ROBO1: variants seen among roughly 807,000 people sequenced by gnomAD.
The protein encoded by ROBO1 is roundabout homolog 1.
A neutral mutation model predicts 195.9 loss-of-function variants in ROBO1; 149 were observed. The observed-to-expected ratio is 0.76, with a 90% CI of 0.67 to 0.87. The LOEUF (loss-of-function observed/expected upper bound fraction) is 0.87, where lower values mean the gene tolerates loss of function less well. Ranked by LOEUF, ROBO1 falls within the 40% of genes least tolerant of loss-of-function variation. The pLI, the probability that ROBO1 is intolerant of heterozygous loss-of-function variation, is 0.00. For synonymous variants in ROBO1, 816 were observed against 733.2 expected, an observed-to-expected ratio of 1.11 and a Z score of -1.82; for missense variants, 1,933 against 2,068.3, an observed-to-expected ratio of 0.93 and a Z score of 1.27.
chr3:78,615,900 C>T (rs1198025870), intron 27 of ROBO1, among the ~76,000 whole-genome samples: 1 of 152,140 alleles, frequency 6.6e-6, no homozygotes, highest in East Asian at 1.9e-4. Context: ...AAAGACACTG[C>T]AATAAGCAGA....
chr3:78,721,797 C>G (rs1236003688), intron 5 of ROBO1, among the ~76,000 whole-genome samples: 1 of 152,102 alleles, frequency 6.6e-6, no homozygotes, highest in Non-Finnish European at 1.5e-5. Context: ...ATCTTAAATA[C>G]TTGGGAATGT....
chr3:78,883,722 T>C (rs990525108), intron 4 of ROBO1, among the ~76,000 whole-genome samples: 2 of 152,136 alleles, frequency 1.3e-5, no homozygotes, highest in Non-Finnish European at 2.9e-5. Flanking sequence ...CTATATAGTA[T>C]ATTTTAAATA....
intron 26 of ROBO1, among the ~76,000 whole-genome samples, chr3:78,623,793 A>T (rs1575793621): frequency 6.6e-6 from 1 of 152,260 alleles, no homozygotes; most frequent in East Asian, 1.9e-4. Context: ...GGCAGTAAAA[A>T]CCTACAGGAA....
chr3:79,068,652 C>A (rs1326347949), intron 3 of ROBO1, among the ~76,000 whole-genome samples: 1 of 151,808 alleles, frequency 6.6e-6, no homozygotes. Flanking sequence ...CATTTGCTCT[C>A]TTCTCTGTTT....
At chr3:79,509,246 T>A (rs913813260) in intron 2 of ROBO1, among the ~76,000 whole-genome samples, 3 of 148,358 alleles carry the variant, frequency 2.0e-5, no homozygotes, top group Non-Finnish European at 4.5e-5. Context: ...TACTTTATTA[T>A]TTTTTTTTTC....
chr3:78,828,631 C>T (rs534141688), intron 4 of ROBO1, among the ~76,000 whole-genome samples: 1 of 151,106 alleles, frequency 6.6e-6, no homozygotes, highest in African/African-American at 2.4e-5. Flanking sequence ...TAATTTTGAT[C>T]ATTTGGGTAT....
intron 2 of ROBO1, among the ~76,000 whole-genome samples, chr3:79,430,176 G>A (rs1050269780): frequency 6.6e-6 from 1 of 151,810 alleles, no homozygotes; most frequent in Non-Finnish European, 1.5e-5. Flanking sequence ...GGTACTATAG[G>A]CCATGCAAGT....
chr3:78,811,824 C>G (rs1233356583), intron 4 of ROBO1, among the ~76,000 whole-genome samples: 1 of 152,088 alleles, frequency 6.6e-6, no homozygotes, highest in Non-Finnish European at 1.5e-5. Context: ...TTCTCTCTAT[C>G]TCGTTTCTTC....
chr3:79,175,631 T>A (rs989520718), intron 2 of ROBO1, among the ~76,000 whole-genome samples: 1 of 152,208 alleles, frequency 6.6e-6, no homozygotes, highest in African/African-American at 2.4e-5. Context: ...TCAGAAAAAA[T>A]TATCCTACAA....
At chr3:79,003,527 C>T (rs2077553175) in intron 3 of ROBO1, among the ~76,000 whole-genome samples, 1 of 152,042 alleles carries the variant, frequency 6.6e-6, no homozygotes. Context: ...CATATGTCAA[C>T]TTATTTAGTT....
intron 2 of ROBO1, among the ~76,000 whole-genome samples, chr3:79,144,847 G>A (rs1159913): frequency 0.73 from 110,581 of 151,760 alleles, 40,445 homozygotes; most frequent in East Asian, 0.79. Flanking sequence ...CGTTGCCACT[G>A]TGAATAGCAA....
chr3:79,457,652 G>C (rs1354022118), intron 2 of ROBO1, among the ~76,000 whole-genome samples: 1 of 152,080 alleles, frequency 6.6e-6, no homozygotes, highest in African/African-American at 2.4e-5. Flanking sequence ...CCATGCTGCT[G>C]TCATGATCTT....
chr3:79,149,137 C>T (rs149975987), intron 2 of ROBO1, among the ~76,000 whole-genome samples: 1 of 151,944 alleles, frequency 6.6e-6, no homozygotes, highest in African/African-American at 2.4e-5. Context: ...GCCTTTGCCC[C>T]AGAGAACCAG....
chr3:78,769,538 A>G (rs13065160), intron 4 of ROBO1, among the ~76,000 whole-genome samples: 36,993 of 149,502 alleles, frequency 0.25, 4,744 homozygotes, highest in East Asian at 0.49. Flanking sequence ...TGGAACATTT[A>G]GGCCATTTAC....
intron 4 of ROBO1, among the ~76,000 whole-genome samples, chr3:78,792,333 C>A (rs753160016): frequency 1.3e-5 from 2 of 152,194 alleles, no homozygotes; most frequent in Non-Finnish European, 2.9e-5. Context: ...TCTTTGTTTT[C>A]ATCATCCTGT....
At chr3:79,264,687 G>C (rs1296118626) in intron 2 of ROBO1, among the ~76,000 whole-genome samples, 1 of 151,894 alleles carries the variant, frequency 6.6e-6, no homozygotes, top group Non-Finnish European at 1.5e-5. Flanking sequence ...GGGAAGCATA[G>C]TTATAGACCC....
intron 2 of ROBO1, among the ~76,000 whole-genome samples, chr3:79,425,570 A>G (rs2038412127): frequency 1.3e-5 from 2 of 152,154 alleles, no homozygotes; most frequent in African/African-American, 4.8e-5. Context: ...CTGAATTAGT[A>G]GACACAAAAA....
At chr3:79,639,110 A>G (rs1273281232) in intron 1 of ROBO1, among the ~76,000 whole-genome samples, 2 of 152,150 alleles carry the variant, frequency 1.3e-5, no homozygotes, top group African/African-American at 4.8e-5. Flanking sequence ...TTCATTTGAA[A>G]CGATAACCTT....
chr3:79,185,815 T>C (rs1392403974), intron 2 of ROBO1, among the ~76,000 whole-genome samples: 1 of 152,152 alleles, frequency 6.6e-6, no homozygotes, highest in Non-Finnish European at 1.5e-5. Context: ...TGCTTTCCTT[T>C]TCTCATATAG....
Sources: gnomAD v4.1 joint callset for allele counts (sites outside exome capture counted in the v4.1 genomes callset) on GRCh38, gnomAD v4.1.1 for gene constraint, MANE v1.5 for transcripts, NCBI Gene and HGNC (gene_info 2026-07-23, HGNC 2026-07-21) for gene names.